The following UGT1A6 variants were observed in gnomAD, a reference collection of about 807,000 sequenced individuals.
UGT1A6 encodes the protein UDP-glucuronosyltransferase 1A6.
UGT1A6 carries 32 observed loss-of-function variants against 44.4 expected under a neutral mutation model. The observed-to-expected ratio is 0.72, with a 90% CI of 0.54 to 0.97. The LOEUF (loss-of-function observed/expected upper bound fraction) is 0.97, where lower values mean the gene tolerates loss of function less well. Among genes scored for constraint, UGT1A6 ranks in the 50% least tolerant of loss-of-function variants. The pLI, the probability that UGT1A6 is intolerant of heterozygous loss-of-function variation, is 0.00. For missense variants in UGT1A6, 685 were observed against 661.9 expected, an observed-to-expected ratio of 1.03 and a Z score of -0.38; for synonymous variants, 238 against 248.5, an observed-to-expected ratio of 0.96 and a Z score of 0.40.
chr2:233,713,726 G>A (rs1243333945), intron 1 of UGT1A6: 1 of 1,613,960 alleles, frequency 6.2e-7, no homozygotes, highest in Non-Finnish European at 8.5e-7. Flanking sequence ...AGGTGTCAGT[G>A]GTGGATCTTG....
chr2:233,760,629 G>T (rs1330446381), intron 1 of UGT1A6: 1 of 1,613,986 alleles, frequency 6.2e-7, no homozygotes, highest in Non-Finnish European at 8.5e-7. Context: ...AAACATACAA[G>T]AAAATAAAAA....
chr2:233,772,868 T>C lies in UGT1A6; in HGVS notation c.*309T>C, dbSNP rs982401399. ...TTCTTACTCTGAAACATGGCCTGTT[T>C]GGGAGTGCGGGATTCAAAGGTGGTC... is the stretch of plus-strand genomic sequence containing the variant. On this transcript the variant is annotated 3_prime_UTR_variant, in exon 5 of 5. Coordinates refer to ENST00000305139, the MANE Select transcript of UGT1A6 (RefSeq NM_001072.4). 2 of 641,930 alleles carry C rather than the reference T, an allele frequency of 3.1e-6. No individual in the cohort carries two copies. The highest frequency in any genetic ancestry group is 3.7e-5 in the African/African-American group (2 of 53,644). 39.8% of individuals were successfully genotyped at this position (641,930 alleles called of 1,614,324 possible).
chr2:233,772,682 G>A lies in UGT1A6; in HGVS notation c.*123G>A, dbSNP rs1700541485. The A allele has an allele frequency of 6.7e-7, 1 of 1,494,640 alleles. No individual in the cohort carries two copies. The allele number at this position is 1,494,640 out of a possible 1,614,324, so 92.6% of individuals were successfully genotyped here. On this transcript the variant is annotated 3_prime_UTR_variant, in exon 5 of 5. Coordinates refer to ENST00000305139, the MANE Select transcript of UGT1A6 (RefSeq NM_001072.4). ...GGAAATACTTTGCATAAATTAATCA[G>A]CCCCAGAGTGCTTTAAAAAATTCTC...
intron 1 of UGT1A6, among the ~76,000 whole-genome samples, chr2:233,764,077 A>T (rs1698472611): frequency 6.6e-6 from 1 of 152,230 alleles, no homozygotes; most frequent in Non-Finnish European, 1.5e-5. Flanking sequence ...GGGAAAATCT[A>T]ATTAAAAGCC....
intron 1 of UGT1A6, among the ~76,000 whole-genome samples, chr2:233,723,730 C>G (rs1044734705): frequency 1.3e-5 from 1 of 79,384 alleles, no homozygotes; most frequent in Non-Finnish European, 2.2e-5. Flanking sequence ...TTGGTGATGA[C>G]TCTTAACGAG....
chr2:233,691,764 A>T (rs755562811), upstream of UGT1A6: 29 of 435,508 alleles, frequency 6.7e-5, no homozygotes, highest in Non-Finnish European at 8.9e-5. Flanking sequence ...CTCCTGCTCT[A>T]GGATTCTCAC....
rs2077433464 is a variant in UGT1A6, at chr2:233,725,312, A to AGAGGCAGAGGCG, written c.861+31452_861+31453insAGAGGCGGAGGC. ...CAGAGGCAGAGGCAGAGGCAGAGGCAGAGGCGCCTGGTCAACAATCTTAAG... is the reference window on the plus strand; with the variant it reads ...CAGAGGCAGAGGCAGAGGCAGAGGCAGAGGCAGAGGCGGAGGCGCCTGGTCAACAATCTTAAG... On this transcript the variant is annotated intron_variant, in intron 1 of 4. Transcript: ENST00000305139. 1.8e-5 allele frequency among the ~76,000 whole-genome samples: 2 copies of AGAGGCAGAGGCG among 110,292 alleles called. 1 individual carries two copies. Among genetic ancestry groups the AGAGGCAGAGGCG allele is most frequent in the Non-Finnish European group, 3.5e-5 (2 of 56,414 alleles). 72.4% of individuals were successfully genotyped at this position (110,292 alleles called of 152,430 possible).
At chr2:233,737,147 T>C (rs909565111) in intron 1 of UGT1A6, among the ~76,000 whole-genome samples, 2 of 152,240 alleles carry the variant, frequency 1.3e-5, no homozygotes, top group African/African-American at 4.8e-5. Flanking sequence ...TGTTCAGATA[T>C]GCCCTGCCCA....
At chr2:233,748,719 T>G (rs1371005675) in intron 1 of UGT1A6, among the ~76,000 whole-genome samples, 3 of 151,682 alleles carry the variant, frequency 2.0e-5, no homozygotes, top group Non-Finnish European at 4.4e-5. Context: ...GTCTGGTGCA[T>G]GATGTGGGGA....
intron 1 of UGT1A6, among the ~76,000 whole-genome samples, chr2:233,757,055 C>T (rs1475700124): frequency 1.3e-5 from 2 of 151,398 alleles, no homozygotes; most frequent in African/African-American, 2.4e-5. Flanking sequence ...GTTTGGGGAA[C>T]AGCAAGGGAT....
chr2:233,716,179 G>A (rs1395274719), intron 1 of UGT1A6, among the ~76,000 whole-genome samples: 1 of 152,128 alleles, frequency 6.6e-6, no homozygotes, highest in Non-Finnish European at 1.5e-5. Flanking sequence ...GCATCTTCAA[G>A]TCTCTAATTC....
chr2:233,722,033 A>T (rs915638296), intron 1 of UGT1A6: 1 of 246,466 alleles, frequency 4.1e-6, no homozygotes, highest in Non-Finnish European at 8.1e-6. Flanking sequence ...CTTGAATTGC[A>T]TGATTTTGTG....
chr2:233,704,198 A>G (rs1008604482), intron 1 of UGT1A6, among the ~76,000 whole-genome samples: 1 of 137,780 alleles, frequency 7.3e-6, no homozygotes, highest in Non-Finnish European at 1.6e-5. Flanking sequence ...GCCCCATTTT[A>G]CTTTTTATGC....
At chr2:233,767,790 T>C in intron 2 of UGT1A6, 59 bp from the exon 3 acceptor site, 1 of 1,614,008 alleles carries the variant, frequency 6.2e-7, no homozygotes, top group Non-Finnish European at 8.5e-7. Flanking sequence ...GTATAGCAGA[T>C]TTGTTTTCTA....
At position 233,769,583 on chromosome 2, in the gene UGT1A6, G is replaced by A. The variant is rs749814257; in HGVS notation, c.1301+1144G>A. ...GTGAAGAGCTGGAGCATGTTCAGATGAGAGGAGACGGAACACGGGGACACA... is the reference window on the plus strand; with the variant it reads ...GTGAAGAGCTGGAGCATGTTCAGATAAGAGGAGACGGAACACGGGGACACA... On this transcript the variant is annotated intron_variant, in intron 4 of 4. Transcript: ENST00000305139. The surrounding 1 kb of genome is among the most constrained non-coding windows in gnomAD (Gnocchi z 4.4). 1.4e-5 allele frequency: 22 copies of A among 1,612,904 alleles called. No individual in the cohort carries two copies. The East Asian group carries it at 4.7e-4, about 34-fold the overall frequency.
intron 2 of UGT1A6, 53 bp downstream of exon 2, chr2:233,767,218 C>A: frequency 6.2e-7 from 1 of 1,611,886 alleles, no homozygotes; most frequent in South Asian, 1.1e-5. Context: ...GAGCGCTAAT[C>A]CCAGACTTCC....
intron 1 of UGT1A6, among the ~76,000 whole-genome samples, chr2:233,725,204 A>AGAGGCAGAG (rs1559370312): frequency 1.2e-4 from 10 of 85,258 alleles, no homozygotes; most frequent in African/African-American, 8.3e-4. Context: ...AGGCAGAGGC[A>AGAGGCAGAG]GAGGCAGAGG....
intron 1 of UGT1A6, among the ~76,000 whole-genome samples, chr2:233,700,668 A>G (rs1354442892): frequency 6.6e-6 from 1 of 152,146 alleles, no homozygotes; most frequent in East Asian, 1.9e-4. Context: ...ACTTTTCAGC[A>G]CAAATTCGTG....
chr2:233,735,151 G>T (rs1299543720), intron 1 of UGT1A6, among the ~76,000 whole-genome samples: 1 of 152,160 alleles, frequency 6.6e-6, no homozygotes, highest in African/African-American at 2.4e-5. Context: ...GGGAGTCTAA[G>T]TCTCTGTGTA....
Sources: gnomAD v4.1 joint callset for allele counts (sites outside exome capture counted in the v4.1 genomes callset) on GRCh38, gnomAD v4.1.1 for gene constraint, Gnocchi (gnomAD v3.1) non-coding constraint, MANE v1.5 for transcripts, NCBI Gene and HGNC (gene_info 2026-07-23, HGNC 2026-07-21) for gene names.